The following PPM1L variants were observed in gnomAD, a reference collection of about 807,000 sequenced individuals.
PPM1L encodes protein phosphatase, Mg2+/Mn2+ dependent 1L, also known as protein phosphatase 1L.
A neutral mutation model predicts 31.4 loss-of-function variants in PPM1L; 13 were observed. That is an observed-to-expected ratio of 0.41 (90% confidence interval 0.27 to 0.66). PPM1L has a LOEUF of 0.66. Ranked by LOEUF, PPM1L falls within the 30% of genes least tolerant of loss-of-function variation. The pLI, the probability that PPM1L is intolerant of heterozygous loss-of-function variation, is 0.29. For missense variants in PPM1L, 326 were observed against 453.7 expected, an observed-to-expected ratio of 0.72 and a Z score of 2.56; for synonymous variants, 184 against 175.4, an observed-to-expected ratio of 1.05 and a Z score of -0.39.
chr3:160,882,067 T>G (rs1225347637), intron 1 of PPM1L, among the ~76,000 whole-genome samples: 1 of 145,620 alleles, frequency 6.9e-6, no homozygotes, highest in Non-Finnish European at 1.5e-5. Context: ...AAAAAAAAAG[T>G]ATGTATTCCA....
intron 1 of PPM1L, among the ~76,000 whole-genome samples, chr3:160,779,225 C>T (rs1041198100): frequency 2.0e-5 from 3 of 152,100 alleles, no homozygotes; most frequent in African/African-American, 7.2e-5. Context: ...CCTTTCAATT[C>T]TCAGTTTACT....
At chr3:161,010,996 G>C (rs534459302) in intron 2 of PPM1L, among the ~76,000 whole-genome samples, 2 of 152,260 alleles carry the variant, frequency 1.3e-5, no homozygotes, top group East Asian at 3.9e-4. Flanking sequence ...AGTTTCTTTT[G>C]CTGTACAGAA....
intron 1 of PPM1L, among the ~76,000 whole-genome samples, chr3:160,805,636 C>G (rs570973226): frequency 9.9e-5 from 15 of 152,232 alleles, no homozygotes; most frequent in African/African-American, 3.6e-4. Context: ...GCAGCAGATT[C>G]GCTTGAACCC....
chr3:160,758,403 G>A (rs975598705), intron 1 of PPM1L, among the ~76,000 whole-genome samples: 7 of 151,998 alleles, frequency 4.6e-5, no homozygotes, highest in East Asian at 1.9e-4. Flanking sequence ...CATTTAACAA[G>A]CTTATATTTA....
intron 1 of PPM1L, among the ~76,000 whole-genome samples, chr3:160,774,952 A>G (rs1483267873): frequency 6.6e-5 from 10 of 152,248 alleles, no homozygotes; most frequent in Non-Finnish European, 1.5e-4. Context: ...TTCTAAAAAT[A>G]ATGATGTCTA....
chr3:161,020,808 C>A (rs1408184191), intron 2 of PPM1L, among the ~76,000 whole-genome samples: 2 of 152,026 alleles, frequency 1.3e-5, no homozygotes, highest in Non-Finnish European at 2.9e-5. Context: ...TTCTAAGTTT[C>A]ATCTACATTA....
At chr3:160,981,701 T>C (rs1377945909) in intron 2 of PPM1L, among the ~76,000 whole-genome samples, 1 of 151,992 alleles carries the variant, frequency 6.6e-6, no homozygotes, top group Non-Finnish European at 1.5e-5. Context: ...TCCTCCACTC[T>C]CTCTTCTACT....
At chr3:161,052,654 T>A (rs563676261) in intron 2 of PPM1L, among the ~76,000 whole-genome samples, 23 of 152,280 alleles carry the variant, frequency 1.5e-4, no homozygotes, top group Non-Finnish European at 2.4e-4. Flanking sequence ...GAATTTAATA[T>A]CTCTAAATAT....
chr3:160,878,763 T>TA (rs1469891071), intron 1 of PPM1L, among the ~76,000 whole-genome samples: 1 of 152,212 alleles, frequency 6.6e-6, no homozygotes, highest in African/African-American at 2.4e-5. Context: ...AGCCCCTTTT[T>TA]AAAAATATCA....
chr3:160,992,635 A>G (rs1384383168), intron 2 of PPM1L, among the ~76,000 whole-genome samples: 2 of 152,312 alleles, frequency 1.3e-5, no homozygotes, highest in East Asian at 1.9e-4. Context: ...CATGTTAACC[A>G]TATTCTTGTC....
At chr3:161,042,936 C>A (rs180970271) in intron 2 of PPM1L, among the ~76,000 whole-genome samples, 1 of 151,332 alleles carries the variant, frequency 6.6e-6, no homozygotes, top group Non-Finnish European at 1.5e-5. Flanking sequence ...AGGAGAATTG[C>A]TTGAACTGAG....
intron 2 of PPM1L, chr3:161,022,092 G>A: frequency 1.6e-6 from 1 of 628,550 alleles, no homozygotes; most frequent in Admixed American, 2.7e-5. Context: ...CTCCATTATT[G>A]CATACTTTTG....
chr3:161,052,574 C>T (rs927938717), intron 2 of PPM1L, among the ~76,000 whole-genome samples: 2 of 152,182 alleles, frequency 1.3e-5, no homozygotes, highest in African/African-American at 4.8e-5. Flanking sequence ...CCATAGCAAT[C>T]CTAATAGCCC....
At chr3:160,892,446 G>C (rs1356484705) in intron 1 of PPM1L, among the ~76,000 whole-genome samples, 2 of 152,072 alleles carry the variant, frequency 1.3e-5, no homozygotes, top group Non-Finnish European at 1.5e-5. Flanking sequence ...TCTCCAACCA[G>C]GCCCTACCTC....
At chr3:160,946,716 C>A (rs1391227556) in intron 1 of PPM1L, among the ~76,000 whole-genome samples, 1 of 152,100 alleles carries the variant, frequency 6.6e-6, no homozygotes, top group Non-Finnish European at 1.5e-5. Flanking sequence ...GACCATTGGG[C>A]TTCTTTCCTT....
chr3:160,855,735 A>C (rs556777890), intron 1 of PPM1L, among the ~76,000 whole-genome samples: 1 of 152,282 alleles, frequency 6.6e-6, no homozygotes, highest in South Asian at 2.1e-4. Context: ...GGTTGTGGAG[A>C]AAAAGGAACA....
intron 2 of PPM1L, among the ~76,000 whole-genome samples, chr3:161,058,218 G>A (rs1393044953): frequency 1.4e-5 from 2 of 138,056 alleles, no homozygotes; most frequent in Non-Finnish European, 3.0e-5. Flanking sequence ...TCTGTCTCGC[G>A]GGCTCAAGCA....
chr3:160,961,934 A>C, intron 2 of PPM1L, 24 bp downstream of exon 2: 1 of 1,510,730 alleles, frequency 6.6e-7, no homozygotes, highest in Non-Finnish European at 8.8e-7. Flanking sequence ...TAAAACACAC[A>C]TTTTTTTTCC....
At chr3:161,051,973 G>A (rs1410518530) in intron 2 of PPM1L, among the ~76,000 whole-genome samples, 1 of 152,166 alleles carries the variant, frequency 6.6e-6, no homozygotes, top group Non-Finnish European at 1.5e-5. Context: ...CGATCTAAGT[G>A]TCAGGATGGT....
Sources: gnomAD v4.1 joint callset for allele counts (sites outside exome capture counted in the v4.1 genomes callset) on GRCh38, gnomAD v4.1.1 for gene constraint, MANE v1.5 for transcripts, NCBI Gene and HGNC (gene_info 2026-07-23, HGNC 2026-07-21) for gene names.